SPIDR: variants seen among roughly 807,000 people sequenced by gnomAD.
SPIDR encodes the protein scaffold protein involved in DNA repair, also known as DNA repair-scaffolding protein.
A neutral mutation model predicts 104.6 loss-of-function variants in SPIDR; 93 were observed. The ratio of observed to expected loss-of-function variants is 0.89; its 90% CI spans 0.75 to 1.06. The LOEUF is 1.06. Among genes scored for constraint, SPIDR ranks in the 50% least tolerant of loss-of-function variants. The probability of loss-of-function intolerance (pLI) is 0.00; values close to 1 mark genes in which losing one functional copy is unlikely to be tolerated. For missense variants in SPIDR, 1,154 were observed against 1,111.2 expected, an observed-to-expected ratio of 1.04 and a Z score of -0.55; for synonymous variants, 431 against 416.9, an observed-to-expected ratio of 1.03 and a Z score of -0.41.
In SPIDR at chr8:47,726,782, G is replaced by A. The variant is rs559005974; in HGVS notation, c.2342-418G>A. On this transcript the variant is annotated intron_variant, in intron 16 of 19. Transcript: ENST00000297423. Reference sequence around the variant, plus strand: ...AGGGTCTTGCCCTGTCACCCAGGCTGGAGTGCAGTGGCATAATCATAGCTC... The same window carrying A: ...AGGGTCTTGCCCTGTCACCCAGGCTAGAGTGCAGTGGCATAATCATAGCTC... Among the ~76,000 whole-genome samples, 438 of 152,248 alleles carry A rather than the reference G, an allele frequency of 2.9e-3. 2 individuals are homozygous for A. Among genetic ancestry groups the A allele is most frequent in the African/African-American group, 0.01 (428 of 41,552 alleles).
intron 5 of SPIDR, among the ~76,000 whole-genome samples, chr8:47,348,602 T>C (rs1377748420): frequency 6.6e-6 from 1 of 152,244 alleles, no homozygotes; most frequent in African/African-American, 2.4e-5. Context: ...CAATCAAACA[T>C]AGATTTAGTG....
At chr8:47,547,687 T>A (rs1356637209) in intron 8 of SPIDR, 1 of 159,996 alleles carries the variant, frequency 6.3e-6, no homozygotes, top group Non-Finnish European at 1.4e-5. Flanking sequence ...CGCCTCAGCC[T>A]CCCAAAGTAC....
At chr8:47,532,613 A>C (rs1385665892) in intron 8 of SPIDR, among the ~76,000 whole-genome samples, 1 of 152,254 alleles carries the variant, frequency 6.6e-6, no homozygotes, top group Non-Finnish European at 1.5e-5. Context: ...TATTTATGTG[A>C]CAACAGATTT....
At chr8:47,545,856 G>C (rs1384439173) in intron 8 of SPIDR, among the ~76,000 whole-genome samples, 1 of 151,934 alleles carries the variant, frequency 6.6e-6, no homozygotes, top group Non-Finnish European at 1.5e-5. Flanking sequence ...GTTTATTTTT[G>C]TCAAGTGGTT....
chr8:47,552,496 T>G (rs1377549134), intron 8 of SPIDR, among the ~76,000 whole-genome samples: 1 of 152,242 alleles, frequency 6.6e-6, no homozygotes, highest in East Asian at 1.9e-4. Context: ...TAGCTCTTCT[T>G]GTTGAATTGA....
chr8:47,700,552 A>G, intron 12 of SPIDR, 62 bp downstream of exon 12: 2 of 1,523,992 alleles, frequency 1.3e-6, no homozygotes, highest in Non-Finnish European at 1.8e-6. Context: ...GTGCCAAGCC[A>G]GGCGTCATCA....
At chr8:47,369,572 A>G (rs1211964714) in intron 5 of SPIDR, among the ~76,000 whole-genome samples, 2 of 152,200 alleles carry the variant, frequency 1.3e-5, no homozygotes, top group Admixed American at 6.5e-5. Flanking sequence ...CCATAAGTGC[A>G]TTGCAACACT....
chr8:47,510,700 A>G (rs1472411980), intron 8 of SPIDR, among the ~76,000 whole-genome samples: 1 of 152,212 alleles, frequency 6.6e-6, no homozygotes, highest in East Asian at 1.9e-4. Context: ...AAAATTGTAT[A>G]AGAATTATGT....
intron 1 of SPIDR, among the ~76,000 whole-genome samples, chr8:47,277,442 T>G (rs1432973650): frequency 6.6e-6 from 1 of 151,844 alleles, no homozygotes; most frequent in African/African-American, 2.4e-5. Context: ...TATAGCTTAC[T>G]GCAGCCTCAA....
At chr8:47,391,876 G>T (rs1363488677) in intron 5 of SPIDR, among the ~76,000 whole-genome samples, 1 of 151,234 alleles carries the variant, frequency 6.6e-6, no homozygotes. Context: ...GGCGCCTGTA[G>T]TCCCAGCTAC....
intron 11 of SPIDR, among the ~76,000 whole-genome samples, chr8:47,699,303 TC>T (rs1339429992): frequency 6.6e-6 from 1 of 152,136 alleles, no homozygotes; most frequent in African/African-American, 2.4e-5. Flanking sequence ...GCCAGCAGCA[TC>T]CCCCAGTTTC....
At chr8:47,543,128 C>T (rs980976983) in intron 8 of SPIDR, among the ~76,000 whole-genome samples, 2 of 152,158 alleles carry the variant, frequency 1.3e-5, no homozygotes, top group Non-Finnish European at 2.9e-5. Flanking sequence ...CTGGTATGAA[C>T]ATTTGTCTAC....
chr8:47,580,647 G>A (rs1469030800), intron 8 of SPIDR, among the ~76,000 whole-genome samples: 2 of 152,064 alleles, frequency 1.3e-5, no homozygotes, highest in East Asian at 1.9e-4. Flanking sequence ...GCCACCCAGC[G>A]TTTTTATTCT....
intron 10 of SPIDR, among the ~76,000 whole-genome samples, chr8:47,650,509 A>G (rs1037677944): frequency 3.3e-5 from 5 of 152,218 alleles, no homozygotes; most frequent in Non-Finnish European, 7.3e-5. Context: ...AAGAATGACC[A>G]TCATGAAAAT....
intron 10 of SPIDR, among the ~76,000 whole-genome samples, chr8:47,647,659 A>G (rs1183929450): frequency 3.4e-5 from 5 of 148,812 alleles, no homozygotes; most frequent in Non-Finnish European, 5.9e-5. Flanking sequence ...AGAGAGGGAG[A>G]GAGAGAGAGG....
At chr8:47,437,885 C>T (rs2068663591) in intron 7 of SPIDR, among the ~76,000 whole-genome samples, 1 of 152,212 alleles carries the variant, frequency 6.6e-6, no homozygotes, top group African/African-American at 2.4e-5. Context: ...CATCCCATTA[C>T]TGGATGTATA....
At chr8:47,552,095 T>C (rs188022440) in intron 8 of SPIDR, among the ~76,000 whole-genome samples, 1 of 152,358 alleles carries the variant, frequency 6.6e-6, no homozygotes, top group African/African-American at 2.4e-5. Context: ...GTGAGTTTCT[T>C]AATCCTGAGT....
intron 5 of SPIDR, among the ~76,000 whole-genome samples, chr8:47,361,558 C>G (rs2055946148): frequency 6.6e-6 from 1 of 152,226 alleles, no homozygotes; most frequent in South Asian, 2.1e-4. Flanking sequence ...GCTCCTCCAA[C>G]CACTGACTAC....
At chr8:47,678,038 C>CAA (rs532756664) in intron 11 of SPIDR, among the ~76,000 whole-genome samples, 4 of 107,904 alleles carry the variant, frequency 3.7e-5, no homozygotes, top group African/African-American at 7.0e-5. Context: ...ACCTCCACCT[C>CAA]AAAAAAAAAA....
Sources: gnomAD v4.1 joint callset for allele counts (sites outside exome capture counted in the v4.1 genomes callset) on GRCh38, gnomAD v4.1.1 for gene constraint, MANE v1.5 for transcripts, NCBI Gene and HGNC (gene_info 2026-07-23, HGNC 2026-07-21) for gene names.